The following PDE7B variants were observed in gnomAD, a reference collection of about 807,000 sequenced individuals.
PDE7B encodes the protein phosphodiesterase 7B, also known as 3',5'-cyclic-AMP phosphodiesterase 7B.
Under a neutral mutation model 56.2 loss-of-function variants are expected in PDE7B, and 29 were observed. The ratio of observed to expected loss-of-function variants is 0.52; its 90% CI spans 0.38 to 0.70. The LOEUF (loss-of-function observed/expected upper bound fraction) is 0.70. Ranked by LOEUF, PDE7B falls within the 30% of genes least tolerant of loss-of-function variation. The pLI, the probability that PDE7B is intolerant of heterozygous loss-of-function variation, is 0.00. For synonymous variants in PDE7B, 197 were observed against 196.9 expected (o/e 1.00, Z 0.00); for missense variants, 490 against 565.0 (o/e 0.87, Z 1.35).
chr6:135,906,787 T>A (rs1414126181), intron 1 of PDE7B, among the ~76,000 whole-genome samples: 2 of 149,586 alleles, frequency 1.3e-5, no homozygotes, highest in Non-Finnish European at 3.0e-5. Context: ...TGTCTTCTTT[T>A]GACTCAAATG....
chr6:135,973,569 C>A (rs769784997), intron 2 of PDE7B, among the ~76,000 whole-genome samples: 16 of 152,140 alleles, frequency 1.1e-4, no homozygotes, highest in Non-Finnish European at 2.1e-4. Context: ...CATAGCACCT[C>A]ACCATTGTGC....
At chr6:135,947,647 A>G in intron 2 of PDE7B, 123 bp downstream of exon 2, 2 of 703,628 alleles carry the variant, frequency 2.8e-6, no homozygotes, top group Admixed American at 4.3e-5. Context: ...TTTTGTGGTT[A>G]TGCAGACAGC....
chr6:135,992,210 T>TA lies in PDE7B; in HGVS notation c.82+44702dup, dbSNP rs11286794. On this transcript the variant is annotated intron_variant, in intron 2 of 12. Transcript: ENST00000308191. ...CTAATACTAATGATACCTGATGAGC[T>TA]AAAAAAAAAAAAAAAATCGCAAAAA... Among the ~76,000 whole-genome samples, 965 of 142,438 alleles carry TA rather than the reference T, an allele frequency of 6.8e-3. 5 individuals carry two copies. The highest frequency in any genetic ancestry group is 0.036 in the South Asian group (161 of 4,442). The allele number at this position is 142,438 out of a possible 152,430, so 93.4% of individuals were successfully genotyped here.
intron 2 of PDE7B, among the ~76,000 whole-genome samples, chr6:136,022,289 C>A (rs1776085917): frequency 6.6e-6 from 1 of 152,122 alleles, no homozygotes; most frequent in South Asian, 2.1e-4. Context: ...TGTTTACTTC[C>A]TAATTCTCAC....
chr6:136,014,534 T>C (rs1775943502), intron 2 of PDE7B, among the ~76,000 whole-genome samples: 1 of 152,208 alleles, frequency 6.6e-6, no homozygotes, highest in South Asian at 2.1e-4. Flanking sequence ...TTGCAAGCTG[T>C]AAGCTGGTTA....
chr6:135,932,831 G>T (rs1352766934), intron 1 of PDE7B, among the ~76,000 whole-genome samples: 1 of 152,170 alleles, frequency 6.6e-6, no homozygotes, highest in Non-Finnish European at 1.5e-5. Context: ...GTAGGACAAA[G>T]GGAAGAGCAA....
At chr6:135,977,468 A>G (rs1231315373) in intron 2 of PDE7B, among the ~76,000 whole-genome samples, 1 of 152,182 alleles carries the variant, frequency 6.6e-6, no homozygotes, top group Non-Finnish European at 1.5e-5. Flanking sequence ...TTCTCTTGGC[A>G]TTAAGGACAC....
At chr6:136,098,972 G>A (rs534153148) in intron 2 of PDE7B, among the ~76,000 whole-genome samples, 23 of 124,820 alleles carry the variant, frequency 1.8e-4, no homozygotes, top group African/African-American at 7.0e-4. Flanking sequence ...TCCCCTCCCT[G>A]TGTCCATGTG....
chr6:136,126,001 C>A (rs1368939299), intron 3 of PDE7B, among the ~76,000 whole-genome samples: 2 of 152,110 alleles, frequency 1.3e-5, no homozygotes, highest in African/African-American at 2.4e-5. Context: ...AAGGCCCTAG[C>A]TTTTAATACA....
intron 2 of PDE7B, among the ~76,000 whole-genome samples, chr6:136,099,442 T>C (rs911029645): frequency 6.6e-6 from 1 of 152,218 alleles, no homozygotes. Flanking sequence ...CATCTGTTGT[T>C]TCCTGACTTT....
chr6:136,029,687 AAAAATGTAGTT>A (rs1382279217), intron 2 of PDE7B, among the ~76,000 whole-genome samples: 1 of 152,220 alleles, frequency 6.6e-6, no homozygotes, highest in Non-Finnish European at 1.5e-5. Flanking sequence ...ATAGAAGGAG[AAAAATGTAGTT>A]AAAATTTCAA....
chr6:136,036,632 C>T (rs184162668), intron 2 of PDE7B, among the ~76,000 whole-genome samples: 3 of 152,230 alleles, frequency 2.0e-5, no homozygotes, highest in Admixed American at 6.5e-5. Flanking sequence ...CACTCTACAA[C>T]GATCTTTCTC....
Position 135,928,479 on chromosome 6 carries a change from ATATT to A in PDE7B, c.22-18977_22-18974del, listed in dbSNP as rs1336191072. ...TATATATATATTTATTTATATATAT[ATATT>A]TATTTATATATATATATTTATATAT... On this transcript the variant is annotated intron_variant, in intron 1 of 12. Coordinates refer to ENST00000308191, the MANE Select transcript of PDE7B (RefSeq NM_018945.4). Among the ~76,000 whole-genome samples the A allele has an allele frequency of 9.0e-4, 93 of 103,314 alleles. 5 individuals are homozygous for A. Among genetic ancestry groups the A allele is most frequent in the Admixed American group, 3.6e-3 (27 of 7,424 alleles). 67.8% of individuals were successfully genotyped at this position (103,314 alleles called of 152,430 possible). A position where few individuals can be genotyped will look rare whatever the true frequency, so the allele number is the denominator to read the frequency against.
chr6:136,093,848 G>T (rs1260175075), intron 2 of PDE7B, among the ~76,000 whole-genome samples: 1 of 152,192 alleles, frequency 6.6e-6, no homozygotes, highest in Non-Finnish European at 1.5e-5. Context: ...AGAGCAGCCA[G>T]TGCAATCCTT....
intron 8 of PDE7B, among the ~76,000 whole-genome samples, chr6:136,170,230 C>A (rs550859430): frequency 1.3e-5 from 2 of 152,244 alleles, no homozygotes; most frequent in South Asian, 2.1e-4. Context: ...GCACTTCTGA[C>A]TCCATTTCGT....
intron 11 of PDE7B, among the ~76,000 whole-genome samples, chr6:136,182,437 T>C (rs1214496748): frequency 6.6e-6 from 1 of 152,184 alleles, no homozygotes; most frequent in Admixed American, 6.5e-5. Flanking sequence ...TTAGATATAA[T>C]CAATATTTTC....
intron 2 of PDE7B, among the ~76,000 whole-genome samples, chr6:136,065,102 C>G (rs1776911421): frequency 6.6e-6 from 1 of 152,172 alleles, no homozygotes; most frequent in South Asian, 2.1e-4. Context: ...CTACTTGAAC[C>G]TCTCTGGGAC....
Position 136,058,713 on chromosome 6 carries a change from A to G in PDE7B, c.83-50018A>G, listed in dbSNP as rs76822181. 8.5e-4 allele frequency among the ~76,000 whole-genome samples: 130 copies of G among 152,256 alleles called. No homozygotes were observed. The East Asian group carries it at 0.023, about 27-fold the overall frequency. On this transcript the variant is annotated intron_variant, in intron 2 of 12. Transcript: ENST00000308191. Reference sequence around the variant, plus strand: ...TGCTGTCAAACATGTGGATTTGGGGAAAATGTAAGAGAGGGGATGAGGAAG... The same window carrying G: ...TGCTGTCAAACATGTGGATTTGGGGGAAATGTAAGAGAGGGGATGAGGAAG...
intron 2 of PDE7B, among the ~76,000 whole-genome samples, chr6:136,099,078 A>G (rs556611877): frequency 6.6e-6 from 1 of 152,218 alleles, no homozygotes; most frequent in South Asian, 2.1e-4. Flanking sequence ...TTCCAGCTTC[A>G]TCCATGTCCC....
Sources: gnomAD v4.1 joint callset for allele counts (sites outside exome capture counted in the v4.1 genomes callset) on GRCh38, gnomAD v4.1.1 for gene constraint, MANE v1.5 for transcripts, NCBI Gene and HGNC (gene_info 2026-07-23, HGNC 2026-07-21) for gene names.